The following ZNF354B variants were observed in gnomAD, a reference collection of about 807,000 sequenced individuals.
ZNF354B encodes zinc finger protein 354B.
In ZNF354B, 10 loss-of-function variants were observed where a neutral mutation model predicts 12.9. That is an observed-to-expected ratio of 0.77 (90% CI 0.48 to 1.31). The LOEUF (loss-of-function observed/expected upper bound fraction) is 1.31, where lower values mean the gene tolerates loss of function less well. Among genes scored for constraint, ZNF354B ranks in the 40% most tolerant of loss-of-function variants. ZNF354B has a pLI of 0.00. For synonymous variants in ZNF354B, 260 were observed against 243.7 expected (o/e 1.07, Z -0.62); for missense variants, 614 against 711.7 (o/e 0.86, Z 1.56).
chr5:178,883,763 G>A lies in ZNF354B; in HGVS notation c.1311G>A (p.Leu437=). Residue 437 remains leucine, a synonymous_variant, in exon 5 of 5, where the codon TTG becomes TTA. Transcript: ENST00000322434. ...RHRIIHTGEK[L]YNCNECGKAL... ...GAATAATTCATACTGGAGAGAAATT[G>A]TATAATTGTAATGAATGTGGTAAAG... is the stretch of plus-strand genomic sequence containing the variant. 1 of 1,613,990 alleles carries A rather than the reference G, an allele frequency of 6.2e-7. No individual in the cohort carries two copies.
At chr5:178,872,844 C>T (rs148217265) in intron 4 of ZNF354B, among the ~76,000 whole-genome samples, 182 of 152,034 alleles carry the variant, frequency 1.2e-3, no homozygotes, top group Middle Eastern at 3.4e-3. Flanking sequence ...TGGAGTACAG[C>T]GGTGCGATCT....
chr5:178,878,382 C>CAA (rs774828144), intron 4 of ZNF354B, among the ~76,000 whole-genome samples: 6 of 97,344 alleles, frequency 6.2e-5, no homozygotes, highest in Admixed American at 1.1e-4. Flanking sequence ...GACTCCGTCT[C>CAA]AAAAAAAAAA....
intron 2 of ZNF354B, among the ~76,000 whole-genome samples, chr5:178,864,016 A>G (rs1334028310): frequency 2.6e-5 from 4 of 152,252 alleles, no homozygotes; most frequent in South Asian, 2.1e-4. Context: ...TAAAAAGTTT[A>G]GAAAGTAAAA....
rs903144960 is a variant in ZNF354B at position 178,884,518 on chromosome 5, G to A, written c.*227G>A. The A allele has an allele frequency of 2.4e-6, 1 of 415,686 alleles. No individual in the cohort carries two copies. The highest frequency in any genetic ancestry group is 4.2e-6 in the Non-Finnish European group (1 of 239,610). The allele number at this position is 415,686 out of a possible 1,614,324, so 25.7% of individuals were successfully genotyped here. Reference sequence around the variant, plus strand: ...GAAATTGGCCATTTGTAAGATAAAAGGTATGTTTATAAAATCTCTTTATAT... The same window carrying A: ...GAAATTGGCCATTTGTAAGATAAAAAGTATGTTTATAAAATCTCTTTATAT... On this transcript the variant is annotated 3_prime_UTR_variant, in exon 5 of 5. Transcript: ENST00000322434.
At position 178,883,034 on chromosome 5, in the gene ZNF354B, T is replaced by G. The variant is rs1757743259; in HGVS notation, c.582T>G (p.Ser194Arg). 1 of 1,607,876 alleles carries G rather than the reference T, an allele frequency of 6.2e-7. No homozygotes were observed. Residue 194 changes from serine (S) to arginine (R), a missense_variant, in exon 5 of 5, where the codon AGT (serine) becomes AGG (arginine). By Grantham distance (110) the Ser-to-Arg change is moderately radical. Transcript: ENST00000322434. ...CAAAATGTGAAATACAAAGAAATAGTTTCAAGCAGAATTCAAATTTACTTA... is the reference window on the plus strand; with the variant it reads ...CAAAATGTGAAATACAAAGAAATAGGTTCAAGCAGAATTCAAATTTACTTA... Reference protein sequence around the residue: ...TPSKCEIQRNSFKQNSNLLNQ... With the variant: ...TPSKCEIQRNRFKQNSNLLNQ...
rs745342195 is a variant in ZNF354B, at chr5:178,884,319, A to G, written c.*28A>G. On this transcript the variant is annotated 3_prime_UTR_variant, in exon 5 of 5. Transcript: ENST00000322434. ...GCCTTAAACCAAAACTCATCAGAGA[A>G]TACATGCTTGAGAGTGATTTATTAA... 1.3e-6 allele frequency: 2 copies of G among 1,537,458 alleles called. No individual in the cohort carries two copies. Among genetic ancestry groups the G allele is most frequent in the African/African-American group, 2.8e-5 (2 of 72,050 alleles).
At chr5:178,882,214 C>A (rs182151433) in intron 4 of ZNF354B, among the ~76,000 whole-genome samples, 2 of 152,216 alleles carry the variant, frequency 1.3e-5, no homozygotes, top group African/African-American at 4.8e-5. Flanking sequence ...TACTTAAATG[C>A]ATTTAATGTA....
intron 2 of ZNF354B, among the ~76,000 whole-genome samples, chr5:178,862,171 CACA>C (rs1235547538): frequency 1.3e-5 from 2 of 151,922 alleles, no homozygotes; most frequent in Admixed American, 6.6e-5. Flanking sequence ...CGCACAGTAG[CACA>C]ACAATTACAA....
At chr5:178,877,617 C>G (rs190928455) in intron 4 of ZNF354B, among the ~76,000 whole-genome samples, 1 of 152,180 alleles carries the variant, frequency 6.6e-6, no homozygotes, top group South Asian at 2.1e-4. Context: ...TTTGCACCTC[C>G]GTGATTCAAA....
intron 4 of ZNF354B, among the ~76,000 whole-genome samples, chr5:178,870,236 G>C (rs1757540580): frequency 6.6e-6 from 1 of 152,132 alleles, no homozygotes; most frequent in South Asian, 2.1e-4. Context: ...CCCCATGATA[G>C]GACTCTCTCG....
intron 2 of ZNF354B, among the ~76,000 whole-genome samples, chr5:178,863,672 G>C (rs188130673): frequency 1.3e-5 from 2 of 152,282 alleles, no homozygotes; most frequent in Admixed American, 1.3e-4. Context: ...AACAGCCTCA[G>C]GCAGGTTCTT....
intron 3 of ZNF354B, 62 bp downstream of exon 3, chr5:178,866,432 CCTGAATAAAAGCAGTTGATCA>C: frequency 1.3e-6 from 2 of 1,560,562 alleles, no homozygotes; most frequent in South Asian, 2.5e-5. Context: ...CACCTCCTTC[CCTGAATAAAAGCAGTTGATCA>C]CTGAAAAATT....
chr5:178,866,274 C>T lies in ZNF354B; in HGVS notation c.64C>T (p.Leu22Phe). Residue 22 changes from leucine (L) to phenylalanine (F), a missense_variant, in exon 3 of 5, where the codon CTC becomes TTC. Physicochemically the swap from Leu to Phe is conservative, Grantham distance 22. Coordinates refer to ENST00000322434, the MANE Select transcript of ZNF354B (RefSeq NM_058230.3). ...VSLTFEDVAV[L>F]FTWDEWRKLA... ...ACTGACATTCGAGGACGTGGCTGTGCTCTTTACCTGGGATGAGTGGAGAAA... is the reference window on the plus strand; with the variant it reads ...ACTGACATTCGAGGACGTGGCTGTGTTCTTTACCTGGGATGAGTGGAGAAA... 2 of 1,614,108 alleles carry T rather than the reference C, an allele frequency of 1.2e-6. No individual in the cohort carries two copies. Among genetic ancestry groups the T allele is most frequent in the East Asian group, 2.2e-5 (1 of 44,882 alleles).
chr5:178,866,335 T>C lies in ZNF354B; in HGVS notation c.125T>C (p.Val42Ala). Residue 42 changes from valine (V) to alanine (A), a missense_variant, in exon 3 of 5, where the codon GTG becomes GCG. Physicochemically the swap from Val to Ala is moderately conservative, Grantham distance 64. Transcript: ENST00000322434. ...TCTCAGAGAAACTTGTACCGGGATG[T>C]GATGCTGGAGAACTATAGGAACCTG... ...APSQRNLYRD[V>A]MLENYRNLVS... The C allele has an allele frequency of 2.5e-6, 4 of 1,613,982 alleles. No homozygotes were observed. The highest frequency in any genetic ancestry group is 3.4e-6 in the Non-Finnish European group (4 of 1,179,950).
intron 4 of ZNF354B, among the ~76,000 whole-genome samples, chr5:178,879,594 G>T (rs1345001321): frequency 6.6e-6 from 1 of 151,718 alleles, no homozygotes; most frequent in South Asian, 2.1e-4. Flanking sequence ...GATCAGGATG[G>T]TCTTGAACTC....
chr5:178,866,391 G>A, intron 3 of ZNF354B, 21 bp downstream of exon 3: 10 of 1,599,214 alleles, frequency 6.3e-6, no homozygotes, highest in Non-Finnish European at 7.7e-6. Flanking sequence ...TTCCCCTCTA[G>A]AAACAGAATT....
chr5:178,867,182 GA>G, intron 4 of ZNF354B, 111 bp downstream of exon 4: 1 of 1,049,016 alleles, frequency 9.5e-7, no homozygotes, highest in Non-Finnish European at 1.5e-6. Context: ...CAGGCCTCAA[GA>G]AGTGGTGGGG....
At position 178,884,276 on chromosome 5, in the gene ZNF354B, C is replaced by T. The variant is rs142040814; in HGVS notation, c.1824C>T (p.Ala608=). The change falls in exon 5 of 5, where the codon GCC becomes GCT. Residue 608 remains alanine (A), a synonymous_variant. Transcript: ENST00000322434. ...ACATTGAAGAGGACTCCTTAAAAGC[C>T]GATTTGCATGTGTGAAAGCCTTAAA... The part of the protein sequence containing the change: ...KIHIEEDSLK[A]DLHV The T allele has an allele frequency of 3.1e-5, 49 of 1,584,918 alleles. No homozygotes were observed. In the East Asian group the frequency reaches 4.0e-4, roughly 13 times the overall value.
chr5:178,860,332 G>T (rs915786921), intron 1 of ZNF354B, among the ~76,000 whole-genome samples: 1 of 151,922 alleles, frequency 6.6e-6, no homozygotes, highest in African/African-American at 2.4e-5. Context: ...CGCGCCGCCC[G>T]CCGTGAACGC....
Sources: gnomAD v4.1 joint callset for allele counts (sites outside exome capture counted in the v4.1 genomes callset) on GRCh38, gnomAD v4.1.1 for gene constraint, MANE v1.5 for transcripts, NCBI Gene and HGNC (gene_info 2026-07-23, HGNC 2026-07-21) for gene names.